Variants in ANKHD1 observed in about 807,000 individuals in gnomAD.
ANKHD1 encodes the protein ankyrin repeat and KH domain containing 1.
Under a neutral mutation model 230.5 loss-of-function variants are expected in ANKHD1, and 31 were observed. That is an observed-to-expected ratio of 0.13 (90% confidence interval 0.10 to 0.18). ANKHD1 has a LOEUF of 0.18. Among genes scored for constraint, ANKHD1 ranks in the 10% least tolerant of loss-of-function variants. ANKHD1 has a pLI of 1.00. For missense variants in ANKHD1, 2,256 were observed against 3,071.3 expected (o/e 0.73, Z 6.27); for synonymous variants, 1,074 against 1,117.6 (o/e 0.96, Z 0.78).
intron 1 of ANKHD1, among the ~76,000 whole-genome samples, chr5:140,435,696 A>G (rs983839173): frequency 1.3e-5 from 2 of 151,312 alleles, no homozygotes; most frequent in African/African-American, 4.9e-5. Context: ...TTCTTTTTTC[A>G]GTATTAATTT....
chr5:140,408,667 A>G (rs1770674866), intron 1 of ANKHD1, among the ~76,000 whole-genome samples: 1 of 152,106 alleles, frequency 6.6e-6, no homozygotes, highest in Non-Finnish European at 1.5e-5. Context: ...ATCTATATAT[A>G]ATCTGTTTTT....
Position 140,504,911 on chromosome 5 carries a change from A to G in ANKHD1, c.3095A>G (p.Asn1032Ser). ...TPESCSQTTSNVASQSMPPVY... is the reference protein window; with the variant it reads ...TPESCSQTTSSVASQSMPPVY... ...GAATCCTGTTCGCAGACTACAAGCA[A>G]TGTGGCTTCCCAATCGATGCCTCCT... The change falls in exon 16 of 34, where the codon AAT becomes AGT. Residue 1032 changes from asparagine (N) to serine (S), a missense_variant. Around this residue, in one of 13 missense-constraint regions of ANKHD1, gnomAD observed 358 missense variants for 397.7 expected, o/e 0.90. Transcript: ENST00000360839. 1 of 1,614,186 alleles carries G rather than the reference A, an allele frequency of 6.2e-7. No individual in the cohort carries two copies. Among genetic ancestry groups the G allele is most frequent in the East Asian group, 2.2e-5 (1 of 44,884 alleles).
rs192673146 is a variant in ANKHD1, at chr5:140,449,186, T to C, written c.1148-25T>C. On this transcript the variant is annotated intron_variant, in intron 6 of 33. Coordinates refer to ENST00000360839, the MANE Select transcript of ANKHD1 (RefSeq NM_017747.3). ...ATATTAAACTGATAGTGAATTCTTT[T>C]AAAATTTTTGTTCCTTTTTTCAAGG... The C allele has an allele frequency of 2.1e-5, 33 of 1,581,246 alleles. 1 individual carries two copies. In the East Asian group the frequency reaches 7.7e-4, roughly 37 times the overall value.
In ANKHD1 at chr5:140,524,287, A is replaced by T. The variant is rs572278495; in HGVS notation, c.4492+47A>T. 4.6e-6 allele frequency: 7 copies of T among 1,511,700 alleles called. No individual in the cohort carries two copies. The East Asian group carries it at 1.7e-4, about 36-fold the overall frequency. The allele number at this position is 1,511,700 out of a possible 1,614,324, so 93.6% of individuals were successfully genotyped here. A position where few individuals can be genotyped will look rare whatever the true frequency, so the allele number is the denominator to read the frequency against. ...TTAACGATAAAATTCTCCTTTGTTTATCAACTTCATTTTGAGTGCTCTTTG... is the reference window on the plus strand; with the variant it reads ...TTAACGATAAAATTCTCCTTTGTTTTTCAACTTCATTTTGAGTGCTCTTTG... On this transcript the variant is annotated intron_variant, in intron 25 of 33. Coordinates refer to ENST00000360839, the MANE Select transcript of ANKHD1 (RefSeq NM_017747.3).
intron 10 of ANKHD1, among the ~76,000 whole-genome samples, chr5:140,469,908 C>G (rs1056326832): frequency 1.3e-5 from 2 of 151,722 alleles, no homozygotes; most frequent in African/African-American, 4.8e-5. Context: ...TCCTGAATTC[C>G]TCAACTTGAC....
intron 14 of ANKHD1, among the ~76,000 whole-genome samples, chr5:140,495,635 G>T (rs12109242): frequency 0.19 from 29,370 of 152,070 alleles, 3,300 homozygotes; most frequent in East Asian, 0.27. Flanking sequence ...TTCATGTCCA[G>T]ATGTTAGGAT....
In ANKHD1 at chr5:140,426,806, CAT is replaced by C. The variant is rs1487170060; in HGVS notation, c.307-9297_307-9296del. On this transcript the variant is annotated intron_variant, in intron 1 of 33. Transcript: ENST00000360839. ...CATTCAACCCTGAGTGGATACAGCA[CAT>C]GTTTCAGAGAGCATAGGGTTGGGGG... 2.6e-5 allele frequency among the ~76,000 whole-genome samples: 4 copies of C among 152,316 alleles called. No individual in the cohort carries two copies. The East Asian group carries it at 7.7e-4, about 29-fold the overall frequency.
intron 6 of ANKHD1, among the ~76,000 whole-genome samples, chr5:140,448,827 A>C (rs1256892776): frequency 6.6e-6 from 1 of 152,198 alleles, no homozygotes; most frequent in East Asian, 1.9e-4. Flanking sequence ...TTATTGCCAC[A>C]GTGGGTTTAT....
chr5:140,434,176 A>T (rs1773269423), intron 1 of ANKHD1, among the ~76,000 whole-genome samples: 1 of 152,196 alleles, frequency 6.6e-6, no homozygotes, highest in Non-Finnish European at 1.5e-5. Flanking sequence ...CTAGCCAGAT[A>T]TGCCAAATAA....
chr5:140,512,924 G>T lies in ANKHD1; in HGVS notation c.4200+1G>T. ...ATACATAGCAACAATTACAGATAAG[G>T]TAAGTTTAATATGCTACTGAAGCAC... is the stretch of plus-strand genomic sequence containing the variant. On this transcript the variant is annotated splice_donor_variant, in intron 23 of 33. Coordinates refer to ENST00000360839, the MANE Select transcript of ANKHD1 (RefSeq NM_017747.3). LOFTEE classifies it high-confidence loss of function. The T allele has an allele frequency of 6.3e-7, 1 of 1,591,448 alleles. No individual in the cohort carries two copies. The highest frequency in any genetic ancestry group is 2.3e-5 in the East Asian group (1 of 43,662).
chr5:140,487,544 G>C (rs1369475147), intron 14 of ANKHD1, among the ~76,000 whole-genome samples: 1 of 152,050 alleles, frequency 6.6e-6, no homozygotes, highest in East Asian at 1.9e-4. Context: ...ATGTGAACCT[G>C]GACAAATAAC....
At chr5:140,516,781 T>C (rs1192660100) in intron 24 of ANKHD1, among the ~76,000 whole-genome samples, 1 of 151,728 alleles carries the variant, frequency 6.6e-6, no homozygotes, top group Non-Finnish European at 1.5e-5. Context: ...AAAGAGCTCC[T>C]GAAGGAAGCA....
intron 24 of ANKHD1, among the ~76,000 whole-genome samples, chr5:140,520,421 A>G (rs1018365850): frequency 2.6e-5 from 4 of 152,142 alleles, no homozygotes; most frequent in African/African-American, 9.7e-5. Flanking sequence ...CAGCCATCCT[A>G]TTACTGGGTA....
chr5:140,428,708 T>C (rs887530444), intron 1 of ANKHD1, among the ~76,000 whole-genome samples: 6 of 152,232 alleles, frequency 3.9e-5, no homozygotes, highest in African/African-American at 1.2e-4. Context: ...ATAGCTCCAG[T>C]TGAAATTCAT....
At position 140,485,983 on chromosome 5, in the gene ANKHD1, T is replaced by A. The variant is rs181069102; in HGVS notation, c.2142+251T>A. ...CAAATATAAACGTAAGTATTCTAAG[T>A]TGTTATCTTATTACAACTAGGTTTT... On this transcript the variant is annotated intron_variant, in intron 13 of 33. Coordinates refer to ENST00000360839, the MANE Select transcript of ANKHD1 (RefSeq NM_017747.3). The surrounding 1 kb of genome is among the most constrained non-coding windows in gnomAD (Gnocchi z 4.8). 8.4e-5 allele frequency: 37 copies of A among 439,146 alleles called. No individual in the cohort carries two copies. The Middle Eastern group carries it at 2.5e-3, about 30-fold the overall frequency. The allele number at this position is 439,146 out of a possible 1,614,324, so 27.2% of individuals were successfully genotyped here.
intron 21 of ANKHD1, 34 bp downstream of exon 21, chr5:140,509,846 A>G (rs752237092): frequency 2.5e-6 from 4 of 1,582,924 alleles, no homozygotes; most frequent in East Asian, 2.2e-5. Flanking sequence ...AGAACTTCTC[A>G]TGGTCATTTT....
At chr5:140,446,415 C>T (rs1198833040) in intron 6 of ANKHD1, among the ~76,000 whole-genome samples, 2 of 152,178 alleles carry the variant, frequency 1.3e-5, no homozygotes, top group African/African-American at 2.4e-5. Context: ...GGCTGGAGTG[C>T]AGTGGCGCGA....
intron 7 of ANKHD1, among the ~76,000 whole-genome samples, chr5:140,450,214 T>A (rs540818455): frequency 6.6e-6 from 1 of 152,302 alleles, no homozygotes; most frequent in African/African-American, 2.4e-5. Context: ...CACATGTTAA[T>A]TTGTATTTTG....
At chr5:140,475,572 TA>T (rs35783464) in intron 10 of ANKHD1, among the ~76,000 whole-genome samples, 1 of 150,470 alleles carries the variant, frequency 6.6e-6, no homozygotes, top group African/African-American at 2.4e-5. Context: ...CCAAAAAAAC[TA>T]AAAAAAAGGG....
Sources: allele counts gnomAD v4.1 joint callset (sites outside exome capture counted in the v4.1 genomes callset), GRCh38; gene constraint gnomAD v4.1.1; regional missense constraint gnomAD v4.1.1; non-coding constraint Gnocchi (gnomAD v3.1); transcripts MANE v1.5; gene names NCBI Gene and HGNC (gene_info 2026-07-23, HGNC 2026-07-21).